The following TLL1 variants were observed in gnomAD, a reference collection of about 807,000 sequenced individuals.
The protein encoded by TLL1 is tolloid like 1, also known as tolloid-like protein 1.
TLL1 carries 49 observed loss-of-function variants against 128.2 expected under a neutral mutation model. The ratio of observed to expected loss-of-function variants is 0.38; its 90% CI spans 0.30 to 0.48. The LOEUF is 0.48. Ranked by LOEUF, TLL1 falls within the 20% of genes least tolerant of loss-of-function variation. TLL1 has a pLI of 0.96. For missense variants in TLL1, 1,123 were observed against 1,242.0 expected (o/e 0.90, Z 1.44); for synonymous variants, 454 against 418.8 (o/e 1.08, Z -1.03).
chr4:165,995,553 C>T (rs1028602817), intron 5 of TLL1, among the ~76,000 whole-genome samples: 1 of 152,172 alleles, frequency 6.6e-6, no homozygotes, highest in Non-Finnish European at 1.5e-5. Context: ...TATTCCATGT[C>T]AATGCCCTAG....
At position 165,921,834 on chromosome 4, in the gene TLL1, T is replaced by A. The variant is rs139536471; in HGVS notation, c.169+47761T>A. Reference sequence around the variant, plus strand: ...CTGTCATACCACTTACAGTTTTTTTTAAAAAAAAGTTTAAACATTGCATCA... The same window carrying A: ...CTGTCATACCACTTACAGTTTTTTTAAAAAAAAAGTTTAAACATTGCATCA... On this transcript the variant is annotated intron_variant, in intron 1 of 20. Coordinates refer to ENST00000061240, the MANE Select transcript of TLL1 (RefSeq NM_012464.5). Among the ~76,000 whole-genome samples, 593 of 151,972 alleles carry A rather than the reference T, an allele frequency of 3.9e-3. 3 individuals carry two copies. The highest frequency in any genetic ancestry group is 9.9e-3 in the South Asian group (48 of 4,826).
chr4:165,992,457 T>A (rs1736689599), intron 2 of TLL1, among the ~76,000 whole-genome samples: 2 of 152,022 alleles, frequency 1.3e-5, no homozygotes, highest in African/African-American at 4.8e-5. Flanking sequence ...TGGCATGCAA[T>A]CAACAGGGCA....
intron 1 of TLL1, among the ~76,000 whole-genome samples, chr4:165,974,926 A>T (rs936934432): frequency 8.6e-5 from 13 of 150,830 alleles, no homozygotes; most frequent in African/African-American, 3.0e-4. Context: ...GTTCTCAGGG[A>T]CAGTTCTCAG....
At chr4:165,936,414 G>C (rs1026494893) in intron 1 of TLL1, among the ~76,000 whole-genome samples, 12 of 150,970 alleles carry the variant, frequency 7.9e-5, no homozygotes, top group African/African-American at 2.9e-4. Flanking sequence ...GTTTCGCCAT[G>C]TTGGCCAGGC....
intron 18 of TLL1, among the ~76,000 whole-genome samples, chr4:166,086,233 C>T (rs983288412): frequency 6.6e-6 from 1 of 152,094 alleles, no homozygotes; most frequent in Admixed American, 6.6e-5. Flanking sequence ...GAGAACTGAA[C>T]TATCAGAGTC....
chr4:166,030,532 T>C, intron 9 of TLL1: 1 of 612,204 alleles, frequency 1.6e-6, no homozygotes, highest in Non-Finnish European at 3.0e-6. Context: ...TGTCTACTTT[T>C]AGTTTTATTG....
chr4:166,083,105 T>C (rs1741365048), intron 18 of TLL1, among the ~76,000 whole-genome samples: 1 of 152,162 alleles, frequency 6.6e-6, no homozygotes, highest in Non-Finnish European at 1.5e-5. Context: ...ACTGGCTTCA[T>C]TATGGGCAAG....
intron 1 of TLL1, among the ~76,000 whole-genome samples, chr4:165,921,929 A>G (rs1051221185): frequency 6.6e-6 from 1 of 150,610 alleles, no homozygotes; most frequent in African/African-American, 2.4e-5. Context: ...GAAAGTAAAC[A>G]GAGCATGAGA....
chr4:166,050,384 G>GA (rs1560835958), intron 12 of TLL1, among the ~76,000 whole-genome samples: 5 of 152,226 alleles, frequency 3.3e-5, no homozygotes, highest in African/African-American at 1.2e-4. Flanking sequence ...TGGCTATTGT[G>GA]AAAATGCTGC....
intron 12 of TLL1, among the ~76,000 whole-genome samples, chr4:166,054,291 C>A (rs1739897534): frequency 6.6e-6 from 1 of 152,020 alleles, no homozygotes; most frequent in African/African-American, 2.4e-5. Flanking sequence ...GAACAGTAAT[C>A]CCATATTATC....
intron 1 of TLL1, among the ~76,000 whole-genome samples, chr4:165,965,171 A>G (rs910024081): frequency 2.0e-5 from 3 of 152,186 alleles, no homozygotes; most frequent in Non-Finnish European, 4.4e-5. Context: ...AATTCTAAAT[A>G]TAGGTATATC....
intron 9 of TLL1, among the ~76,000 whole-genome samples, chr4:166,027,527 C>G (rs72974352): frequency 0.037 from 5,618 of 152,112 alleles, 368 homozygotes; most frequent in African/African-American, 0.13. Context: ...TTACAACTGA[C>G]TTGGAATACA....
chr4:165,990,802 A>C (rs191552782), intron 2 of TLL1, among the ~76,000 whole-genome samples: 1 of 152,186 alleles, frequency 6.6e-6, no homozygotes, highest in African/African-American at 2.4e-5. Flanking sequence ...GAATTCATCT[A>C]AAATAATAAC....
intron 6 of TLL1, among the ~76,000 whole-genome samples, chr4:166,005,294 G>C (rs1424149292): frequency 6.6e-6 from 1 of 151,972 alleles, no homozygotes; most frequent in Non-Finnish European, 1.5e-5. Context: ...GGAAAGGTGA[G>C]TCTGGACTTC....
intron 15 of TLL1, among the ~76,000 whole-genome samples, chr4:166,062,713 T>C (rs1386090091): frequency 2.6e-5 from 4 of 152,102 alleles, no homozygotes; most frequent in African/African-American, 7.2e-5. Context: ...CCTTTATTTC[T>C]TTCTCCTGCC....
chr4:166,078,616 C>T (rs1741144355), intron 18 of TLL1, among the ~76,000 whole-genome samples: 1 of 152,180 alleles, frequency 6.6e-6, no homozygotes, highest in African/African-American at 2.4e-5. Flanking sequence ...GCATTCTTTG[C>T]ATTCTGCATT....
chr4:166,034,371 A>G (rs1251871026), intron 9 of TLL1, among the ~76,000 whole-genome samples: 1 of 152,112 alleles, frequency 6.6e-6, no homozygotes, highest in Non-Finnish European at 1.5e-5. Flanking sequence ...AATAGAGCTG[A>G]GATTGGAATA....
chr4:165,960,401 AC>A (rs1324322805), intron 1 of TLL1, among the ~76,000 whole-genome samples: 1 of 152,146 alleles, frequency 6.6e-6, no homozygotes, highest in Non-Finnish European at 1.5e-5. Context: ...AATAACTGGT[AC>A]CAGTTCTACT....
chr4:166,062,812 T>C lies in TLL1; in HGVS notation c.2007+2624T>C, dbSNP rs1341033069. Reference sequence around the variant, plus strand: ...GTCTTGTGCCAGTTTTCAAAGGGAATGCCTCCAGATTTTGCCCATTCAGTA... The same window carrying C: ...GTCTTGTGCCAGTTTTCAAAGGGAACGCCTCCAGATTTTGCCCATTCAGTA... On this transcript the variant is annotated intron_variant, in intron 15 of 20. Transcript: ENST00000061240. Among the ~76,000 whole-genome samples the C allele has an allele frequency of 2.0e-5, 3 of 152,170 alleles. No individual in the cohort carries two copies. The East Asian group carries it at 5.8e-4, about 29-fold the overall frequency.
Sources: gnomAD v4.1 joint callset for allele counts (sites outside exome capture counted in the v4.1 genomes callset) on GRCh38, gnomAD v4.1.1 for gene constraint, MANE v1.5 for transcripts, NCBI Gene and HGNC (gene_info 2026-07-23, HGNC 2026-07-21) for gene names.